LRRC34: variants seen among roughly 807,000 people sequenced by gnomAD.
LRRC34 encodes the protein leucine rich repeat containing 34.
Under a neutral mutation model 48.5 loss-of-function variants are expected in LRRC34, and 44 were observed. The observed-to-expected ratio is 0.91, with a 90% confidence interval of 0.71 to 1.17. The LOEUF (loss-of-function observed/expected upper bound fraction) is 1.17. Ranked by LOEUF, LRRC34 falls within the 50% of genes most tolerant of loss-of-function variation. The pLI, the probability that LRRC34 is intolerant of heterozygous loss-of-function variation, is 0.00. For missense variants in LRRC34, 502 were observed against 563.0 expected (o/e 0.89, Z 1.10); for synonymous variants, 192 against 197.6 (o/e 0.97, Z 0.24).
chr3:169,796,803 G>T lies in LRRC34; in HGVS notation c.850C>A (p.Gln284Lys). ...CKHDIKNSGIQQLCDALYLNS... is the reference protein window; with the variant it reads ...CKHDIKNSGIKQLCDALYLNS... The stretch of plus-strand genomic sequence containing the variant: ...AGATACAGTGCATCACATAACTGTT[G>T]TATACCACTGTTTTTTATATCATGC... The change falls in exon 8 of 11, where the codon CAA (glutamine) becomes AAA (lysine). Residue 284 changes from glutamine (Q) to lysine (K), a missense_variant. Physicochemically the swap from Gln to Lys is moderately conservative, Grantham distance 53. Coordinates refer to ENST00000446859, the MANE Select transcript of LRRC34 (RefSeq NM_001172779.2). The T allele has an allele frequency of 6.2e-7, 1 of 1,611,658 alleles. No individual in the cohort carries two copies. Among genetic ancestry groups the T allele is most frequent in the Non-Finnish European group, 8.5e-7 (1 of 1,179,146 alleles).
At chr3:169,807,113 A>G (rs566462751) in intron 4 of LRRC34, among the ~76,000 whole-genome samples, 182 bp from the exon 5 acceptor site, 1 of 152,362 alleles carries the variant, frequency 6.6e-6, no homozygotes, top group South Asian at 2.1e-4. Flanking sequence ...AAGGAAAAAA[A>G]TCATTCTCAT....
intron 9 of LRRC34, 181 bp from the exon 10 acceptor site, chr3:169,795,792 G>A: frequency 7.8e-7 from 1 of 1,289,722 alleles, no homozygotes; most frequent in Non-Finnish European, 9.8e-7. Context: ...AAGGTACTTA[G>A]TAGAGCTAAC....
chr3:169,800,595 C>T lies in LRRC34; in HGVS notation c.753+64G>A, dbSNP rs998761644. 3 of 981,002 alleles carry T rather than the reference C, an allele frequency of 3.1e-6. No homozygotes were observed. In the African/African-American group the frequency reaches 4.9e-5, roughly 16 times the overall value. 60.8% of individuals were successfully genotyped at this position (981,002 alleles called of 1,614,324 possible). On this transcript the variant is annotated intron_variant, in intron 7 of 10. Coordinates refer to ENST00000446859, the MANE Select transcript of LRRC34 (RefSeq NM_001172779.2). ...GTGTATTCATGTACCTTGACATAAA[C>T]TTGTAGTAGTACCTTAGTTTTATTC...
intron 2 of LRRC34, among the ~76,000 whole-genome samples, chr3:169,808,262 C>T (rs956997193): frequency 6.7e-6 from 1 of 149,330 alleles, no homozygotes; most frequent in African/African-American, 2.5e-5. Flanking sequence ...TGCAGTGAGC[C>T]GAGATCACGC....
chr3:169,797,091 CAGAAGGTAAAATAT>C (rs1779019550), intron 7 of LRRC34, 192 bp from the exon 8 acceptor site: 1 of 383,640 alleles, frequency 2.6e-6, no homozygotes, highest in African/African-American at 2.1e-5. Flanking sequence ...TTTACCTTCT[CAGAAGGTAAAATAT>C]AGTCACTATA....
chr3:169,796,060 A>ATG (rs1778974964), intron 9 of LRRC34, 154 bp downstream of exon 9: 1 of 1,312,802 alleles, frequency 7.6e-7, no homozygotes, highest in Non-Finnish European at 9.7e-7. Flanking sequence ...CATTTGAAAA[A>ATG]TAGAAATGTA....
intron 5 of LRRC34, among the ~76,000 whole-genome samples, chr3:169,804,773 T>C (rs1157694791): frequency 6.6e-6 from 1 of 152,244 alleles, no homozygotes; most frequent in African/African-American, 2.4e-5. Flanking sequence ...AAGAAAATTA[T>C]AGCACTTCAC....
In LRRC34 at chr3:169,793,790, C is replaced by T. The variant is rs1295703131; in HGVS notation, c.1240G>A (p.Asp414Asn). The change falls in exon 11 of 11, where the codon GAT (aspartate) becomes AAT (asparagine). Residue 414 changes from aspartate to asparagine, a missense_variant. Physicochemically the swap from Asp to Asn is conservative, Grantham distance 23. Transcript: ENST00000446859. ...QMGCLKPDNT[D>N]VEPFVVDGRV... is the part of the protein sequence containing the mutation. ...CCATCTACCACAAATGGCTCCACAT[C>T]TGTATTGTCTGGTTTTAGACAACCC... 1 of 1,613,600 alleles carries T rather than the reference C, an allele frequency of 6.2e-7. No individual in the cohort carries two copies. Among genetic ancestry groups the T allele is most frequent in the South Asian group, 1.1e-5 (1 of 91,012 alleles).
chr3:169,809,891 C>A (rs1012172569), intron 1 of LRRC34, among the ~76,000 whole-genome samples: 9 of 151,464 alleles, frequency 5.9e-5, no homozygotes, highest in African/African-American at 2.2e-4. Flanking sequence ...ACAAAATTTT[C>A]TTATAGTTTT....
chr3:169,798,580 G>T (rs1779077544), intron 7 of LRRC34, among the ~76,000 whole-genome samples: 2 of 152,138 alleles, frequency 1.3e-5, no homozygotes, highest in Non-Finnish European at 2.9e-5. Flanking sequence ...CACCTAGCTG[G>T]CTGCCAGAAG....
chr3:169,803,736 A>G (rs1012997553), intron 6 of LRRC34, among the ~76,000 whole-genome samples: 5 of 152,224 alleles, frequency 3.3e-5, no homozygotes, highest in Admixed American at 1.3e-4. Context: ...CCTAAAATGT[A>G]TTTTCAAAAG....
rs143470723 is a variant in LRRC34 at position 169,796,763 on chromosome 3, C to T, written c.890G>A (p.Arg297His). Reference protein sequence around the residue: ...CDALYLNSSLRYLDVSCNKIT... With the variant: ...CDALYLNSSLHYLDVSCNKIT... ...CACTTACCAGCTGACATCAAGGTAG[C>T]GCAGGCTACTGTTCAGATACAGTGC... Residue 297 changes from arginine to histidine, a missense_variant, in exon 8 of 11, where the codon CGC (arginine) becomes CAC (histidine). Transcript: ENST00000446859. 54 of 1,605,874 alleles carry T rather than the reference C, an allele frequency of 3.4e-5. No individual in the cohort carries two copies. In the East Asian group the frequency reaches 5.2e-4, roughly 15 times the overall value.
intron 7 of LRRC34, among the ~76,000 whole-genome samples, chr3:169,800,301 G>A (rs1476981106): frequency 6.6e-6 from 1 of 152,144 alleles, no homozygotes; most frequent in African/African-American, 2.4e-5. Context: ...CCACATCAAT[G>A]TAACAAACAG....
At chr3:169,797,130 G>T (rs1779022207) in intron 7 of LRRC34, 1 of 294,126 alleles carries the variant, frequency 3.4e-6, no homozygotes, top group Non-Finnish European at 6.2e-6. Context: ...ACAAGTGCCT[G>T]CTACCTAAGT....
At chr3:169,795,980 A>G in intron 9 of LRRC34, 4 of 1,223,858 alleles carry the variant, frequency 3.3e-6, no homozygotes, top group Non-Finnish European at 4.1e-6. Flanking sequence ...TAAGTAATAT[A>G]AGCAATGCAA....
rs1217038877 is a variant in LRRC34, at chr3:169,795,883, TC to T, written c.1065-273del. 5.2e-6 allele frequency: 6 copies of T among 1,161,814 alleles called. No homozygotes were observed. In the Admixed American group the frequency reaches 1.7e-4, roughly 33 times the overall value. 72.0% of individuals were successfully genotyped at this position (1,161,814 alleles called of 1,614,324 possible). ...AGATATATTTTTCTGGATAAATGCA[TC>T]CAAGTATTTTATTCTTTAGTTCATT... On this transcript the variant is annotated intron_variant, in intron 9 of 10. Transcript: ENST00000446859.
Position 169,793,720 on chromosome 3 carries a change from T to C in LRRC34, c.1310A>G (p.Tyr437Cys), listed in dbSNP as rs1778878265. 2 of 1,613,654 alleles carry C rather than the reference T, an allele frequency of 1.2e-6. No individual in the cohort carries two copies. The highest frequency in any genetic ancestry group is 1.7e-6 in the Non-Finnish European group (2 of 1,179,788). ...AEVSNGLKKH[Y>C]YWTSTYGESY... ...TTCTCCATAAGTTGATGTCCAATAA[T>C]AATGCTTTTTAAGGCCATTGGAGAC... is the stretch of plus-strand genomic sequence containing the variant. The change falls in exon 11 of 11, where the codon TAT becomes TGT. Residue 437 changes from tyrosine to cysteine, a missense_variant. Physicochemically the swap from Tyr to Cys is radical, Grantham distance 194 (BLOSUM62 -2). Coordinates refer to ENST00000446859, the MANE Select transcript of LRRC34 (RefSeq NM_001172779.2).
At position 169,806,854 on chromosome 3, in the gene LRRC34, C is replaced by T. The variant is rs1779392365; in HGVS notation, c.522G>A (p.Val174=). 1.3e-6 allele frequency: 2 copies of T among 1,590,676 alleles called. No individual in the cohort carries two copies. Among genetic ancestry groups the T allele is most frequent in the South Asian group, 1.1e-5 (1 of 88,982 alleles). Residue 174 remains valine, a synonymous_variant, in exon 5 of 11, where the codon GTG becomes GTA. Coordinates refer to ENST00000446859, the MANE Select transcript of LRRC34 (RefSeq NM_001172779.2). ...GPEGGELIAK[V]LHKNRTLKYL... ...GAAATACATAAATGCTTACATGTAG[C>T]ACTTTAGCAATCAATTCTCCACCTT...
chr3:169,810,988 C>A (rs1779543166), intron 1 of LRRC34, among the ~76,000 whole-genome samples: 1 of 152,156 alleles, frequency 6.6e-6, no homozygotes, highest in African/African-American at 2.4e-5. Flanking sequence ...CGCTTGAATG[C>A]GGGAGGTGGA....
Sources: allele counts gnomAD v4.1 joint callset (sites outside exome capture counted in the v4.1 genomes callset), GRCh38; gene constraint gnomAD v4.1.1; transcripts MANE v1.5; gene names NCBI Gene and HGNC (gene_info 2026-07-23, HGNC 2026-07-21).